Variants in PDPR observed in about 807,000 individuals in gnomAD.
The protein encoded by PDPR is pyruvate dehydrogenase phosphatase regulatory subunit.
PDPR carries 50 observed loss-of-function variants against 102.2 expected under a neutral mutation model. That is an observed-to-expected ratio of 0.49 (90% CI 0.39 to 0.62). The LOEUF (loss-of-function observed/expected upper bound fraction) is 0.62, where lower values mean the gene tolerates loss of function less well. Among genes scored for constraint, PDPR ranks in the 20% least tolerant of loss-of-function variants. The pLI, the probability that PDPR is intolerant of heterozygous loss-of-function variation, is 0.00. For missense variants in PDPR, 625 were observed against 1,098.2 expected, an observed-to-expected ratio of 0.57 and a Z score of 6.09; for synonymous variants, 259 against 406.0, an observed-to-expected ratio of 0.64 and a Z score of 4.35.
intron 3 of PDPR, among the ~76,000 whole-genome samples, chr16:70,124,249 G>A (rs1963684103): frequency 6.6e-6 from 1 of 152,242 alleles, no homozygotes; most frequent in East Asian, 1.9e-4. Context: ...TGTAATTGTA[G>A]CTACTCAGGA....
intron 11 of PDPR, among the ~76,000 whole-genome samples, chr16:70,139,893 A>G (rs1407990048): frequency 6.6e-6 from 1 of 152,266 alleles, no homozygotes; most frequent in Non-Finnish European, 1.5e-5. Flanking sequence ...TAGTTGAACA[A>G]CATTGTTGGT....
chr16:70,128,693 C>T (rs1964228059), intron 4 of PDPR, 91 bp from the exon 5 acceptor site: 21 of 1,600,582 alleles, frequency 1.3e-5, no homozygotes, highest in Non-Finnish European at 1.5e-5. Flanking sequence ...GGATTCATCA[C>T]AGGTCTTCTA....
intron 1 of PDPR, 23 bp downstream of exon 1, chr16:70,114,463 ACT>A (rs1178851511): frequency 2.6e-5 from 4 of 151,854 alleles, no homozygotes; most frequent in Admixed American, 6.6e-5. Context: ...CTTCGGGGCA[ACT>A]CTGGCCTCCC....
At chr16:70,123,086 T>C (rs1963514979) in intron 3 of PDPR, among the ~76,000 whole-genome samples, 1 of 152,020 alleles carries the variant, frequency 6.6e-6, no homozygotes, top group African/African-American at 2.4e-5. Context: ...ATTTTTAGTA[T>C]AGATGGGGTT....
chr16:70,142,596 T>C lies in PDPR; in HGVS notation c.1515T>C (p.Asp505=), dbSNP rs1457028384. The C allele has an allele frequency of 1.9e-6, 3 of 1,613,970 alleles. No homozygotes were observed. Among genetic ancestry groups the C allele is most frequent in the Admixed American group, 1.7e-5 (1 of 60,002 alleles). ...LEQSKTFYKP[D]WFDIVESEVK... Reference sequence around the variant, plus strand: ...AGAGCAAGACTTTCTATAAGCCAGATTGGTTTGACATCGTGGAGTCTGAAG... The same window carrying C: ...AGAGCAAGACTTTCTATAAGCCAGACTGGTTTGACATCGTGGAGTCTGAAG... The change falls in exon 13 of 19, where the codon GAT becomes GAC. Residue 505 remains aspartate (D), a synonymous_variant. Coordinates refer to ENST00000288050, the MANE Select transcript of PDPR (RefSeq NM_017990.5).
At chr16:70,132,738 C>G (rs1445105649) in intron 9 of PDPR, among the ~76,000 whole-genome samples, 1 of 152,162 alleles carries the variant, frequency 6.6e-6, no homozygotes, top group East Asian at 1.9e-4. Flanking sequence ...TCCCTTTCAC[C>G]TTGGCCTCCC....
At chr16:70,134,976 C>A (rs1303013392) in intron 9 of PDPR, among the ~76,000 whole-genome samples, 10 of 152,146 alleles carry the variant, frequency 6.6e-5, no homozygotes, top group Non-Finnish European at 1.3e-4. Flanking sequence ...GTAATTCCAT[C>A]ATTTTGGGAG....
intron 9 of PDPR, among the ~76,000 whole-genome samples, chr16:70,134,908 T>TA (rs1440430795): frequency 6.6e-6 from 1 of 152,240 alleles, no homozygotes; most frequent in Non-Finnish European, 1.5e-5. Flanking sequence ...AATAAATTCT[T>TA]ACGGAAAATT....
intron 18 of PDPR, among the ~76,000 whole-genome samples, chr16:70,155,919 C>G (rs1785143796): frequency 6.6e-6 from 1 of 151,712 alleles, no homozygotes; most frequent in Non-Finnish European, 1.5e-5. Context: ...TTTCCTGTCT[C>G]AGTCTCCCTA....
At chr16:70,148,799 C>T (rs1239406754) in intron 17 of PDPR, among the ~76,000 whole-genome samples, 1 of 152,240 alleles carries the variant, frequency 6.6e-6, no homozygotes, top group Admixed American at 6.5e-5. Flanking sequence ...TATTTGGCGC[C>T]GTCTGATCTG....
At position 70,131,405 on chromosome 16, in the gene PDPR, A is replaced by G; in HGVS notation, c.833A>G (p.Gln278Arg). 7.0e-7 allele frequency: 1 copy of G among 1,422,398 alleles called. No individual in the cohort carries two copies. Among genetic ancestry groups the G allele is most frequent in the Non-Finnish European group, 9.8e-7 (1 of 1,023,206 alleles). The allele number at this position is 1,422,398 out of a possible 1,614,324, so 88.1% of individuals were successfully genotyped here. ...LLTRPLETPL[Q>R]SSTPTIVDAD... ...ACTCGCCCCTTGGAGACCCCTCTGCAGAGCAGCACACCAAGTGAGGACTTG... is the reference window on the plus strand; with the variant it reads ...ACTCGCCCCTTGGAGACCCCTCTGCGGAGCAGCACACCAAGTGAGGACTTG... The change falls in exon 8 of 19, where the codon CAG becomes CGG. Residue 278 changes from glutamine to arginine, a missense_variant. Physicochemically the swap from Gln to Arg is conservative, Grantham distance 43 (BLOSUM62 1). This residue lies in a region of PDPR where 16 missense variants were observed against 93.0 expected (regional missense o/e 0.17). Coordinates refer to ENST00000288050, the MANE Select transcript of PDPR (RefSeq NM_017990.5).
At chr16:70,154,114 C>T (rs1451132250) in intron 18 of PDPR, among the ~76,000 whole-genome samples, 3 of 152,278 alleles carry the variant, frequency 2.0e-5, no homozygotes, top group Admixed American at 6.5e-5. Flanking sequence ...CGAGATCACG[C>T]CACTGCACTC....
chr16:70,132,403 C>T (rs1319649646), intron 9 of PDPR, 103 bp downstream of exon 9: 15 of 1,186,844 alleles, frequency 1.3e-5, no homozygotes, highest in African/African-American at 3.1e-5. Flanking sequence ...TTTATAACAT[C>T]GCCATGAGGT....
chr16:70,120,592 G>A lies in PDPR; in HGVS notation c.100G>A (p.Ala34Thr). ...SARNSTSAAE[A>T]RSMALPTQAQ... Reference sequence around the variant, plus strand: ...AAGAAACAGCACGTCAGCTGCCGAGGCGCGTTCCATGGCCCTGCCCACCCA... The same window carrying A: ...AAGAAACAGCACGTCAGCTGCCGAGACGCGTTCCATGGCCCTGCCCACCCA... Residue 34 changes from alanine to threonine, a missense_variant, in exon 3 of 19, where the codon GCG (alanine) becomes ACG (threonine). By Grantham distance (58) the Ala-to-Thr change is moderately conservative. Transcript: ENST00000288050. The A allele has an allele frequency of 6.2e-7, 1 of 1,613,994 alleles. No homozygotes were observed. The highest frequency in any genetic ancestry group is 8.5e-7 in the Non-Finnish European group (1 of 1,179,866).
In PDPR at chr16:70,153,365, T is replaced by G. The variant is rs778950939; in HGVS notation, c.2053-26T>G. Reference sequence around the variant, plus strand: ...TGCTTAATTCTGAAGGTCTGCTGCTTATGAACTTTCTGTCTCTTCCTATAG... The same window carrying G: ...TGCTTAATTCTGAAGGTCTGCTGCTGATGAACTTTCTGTCTCTTCCTATAG... On this transcript the variant is annotated intron_variant, in intron 17 of 18. Coordinates refer to ENST00000288050, the MANE Select transcript of PDPR (RefSeq NM_017990.5). The G allele has an allele frequency of 1.3e-5, 21 of 1,602,212 alleles. 1 individual carries two copies. In the South Asian group the frequency reaches 1.8e-4, roughly 14 times the overall value.
At chr16:70,131,615 A>G in intron 8 of PDPR, 196 bp downstream of exon 8, 1 of 949,054 alleles carries the variant, frequency 1.1e-6, no homozygotes, top group Non-Finnish European at 1.3e-6. Context: ...TTCCATTAAT[A>G]CATTTTTTTG....
At chr16:70,130,186 G>C (rs1220862462) in intron 6 of PDPR, among the ~76,000 whole-genome samples, 3 of 152,274 alleles carry the variant, frequency 2.0e-5, no homozygotes, top group Non-Finnish European at 1.5e-5. Flanking sequence ...CCAGCTACTT[G>C]AGAGGCTGAG....
chr16:70,135,098 G>A (rs1270118829), intron 9 of PDPR, among the ~76,000 whole-genome samples: 5 of 152,218 alleles, frequency 3.3e-5, no homozygotes, highest in African/African-American at 1.2e-4. Context: ...AGTATGATGA[G>A]CCCCCATGTA....
rs542055268 is a variant in PDPR at position 70,119,892 on chromosome 16, T to A, written c.-32-569T>A. Among the ~76,000 whole-genome samples, 11 of 29,354 alleles carry A rather than the reference T, an allele frequency of 3.7e-4. No individual in the cohort carries two copies. In the South Asian group the frequency reaches 0.043, roughly 115 times the overall value. The allele number at this position is 29,354 out of a possible 152,430, so 19.3% of individuals were successfully genotyped here. ...GAAACTCAGAATGCCCTCAAATATT[T>A]CTTTTTTTGTTTTTTTTTTGTTTGT... On this transcript the variant is annotated intron_variant, in intron 2 of 18. Coordinates refer to ENST00000288050, the MANE Select transcript of PDPR (RefSeq NM_017990.5).
Sources: gnomAD v4.1 joint callset for allele counts (sites outside exome capture counted in the v4.1 genomes callset) on GRCh38, gnomAD v4.1.1 for gene constraint, gnomAD v4.1.1 regional missense constraint, MANE v1.5 for transcripts, NCBI Gene and HGNC (gene_info 2026-07-23, HGNC 2026-07-21) for gene names.